Variants in NANP observed in about 807,000 individuals in gnomAD.
NANP encodes N-acetylneuraminic acid phosphatase.
A neutral mutation model predicts 16.9 loss-of-function variants in NANP; 15 were observed. The ratio of observed to expected loss-of-function variants is 0.89; its 90% CI spans 0.59 to 1.37. The LOEUF is 1.37. Ranked by LOEUF, NANP falls within the 40% of genes most tolerant of loss-of-function variation. NANP has a pLI of 0.00. For synonymous variants in NANP, 135 were observed against 112.6 expected (o/e 1.20, Z -1.26); for missense variants, 290 against 303.5 (o/e 0.96, Z 0.33).
chr20:25,623,108 G>A (rs1203430841), intron 1 of NANP, among the ~76,000 whole-genome samples: 1 of 152,232 alleles, frequency 6.6e-6, no homozygotes. Context: ...TTCCACATCT[G>A]ATAAATCCTT....
intron 1 of NANP, among the ~76,000 whole-genome samples, chr20:25,617,150 T>A (rs755274624): frequency 1.2e-4 from 18 of 152,252 alleles, no homozygotes; most frequent in Non-Finnish European, 2.2e-4. Flanking sequence ...TCTTTTCTCA[T>A]CTACATCCAT....
chr20:25,621,429 A>T (rs888462847), intron 1 of NANP, among the ~76,000 whole-genome samples: 19 of 152,192 alleles, frequency 1.2e-4, no homozygotes, highest in Admixed American at 1.1e-3. Flanking sequence ...CTAAAGAGGG[A>T]GAAAAAAAAT....
At chr20:25,622,056 A>G (rs1327339788) in intron 1 of NANP, among the ~76,000 whole-genome samples, 2 of 152,268 alleles carry the variant, frequency 1.3e-5, no homozygotes, top group African/African-American at 4.8e-5. Flanking sequence ...TAATTGAAAT[A>G]TCCTTTGACA....
chr20:25,618,853 G>A (rs924612709), intron 1 of NANP, among the ~76,000 whole-genome samples: 6 of 151,924 alleles, frequency 3.9e-5, no homozygotes, highest in African/African-American at 1.5e-4. Flanking sequence ...TTGTCTCCCC[G>A]ACCCCTTAAC....
intron 1 of NANP, 81 bp from the exon 2 acceptor site, chr20:25,616,662 G>A (rs1252607807): frequency 3.5e-6 from 4 of 1,138,658 alleles, no homozygotes; most frequent in Admixed American, 2.6e-5. Context: ...CCTACAAGTG[G>A]CTGAGAGAGT....
chr20:25,619,851 A>T (rs2065358183), intron 1 of NANP, among the ~76,000 whole-genome samples: 1 of 152,150 alleles, frequency 6.6e-6, no homozygotes, highest in Non-Finnish European at 1.5e-5. Flanking sequence ...CCCAGTACAG[A>T]CCCAATTTCC....
At chr20:25,616,652 C>G (rs1409399744) in intron 1 of NANP, 71 bp from the exon 2 acceptor site, 7 of 1,261,336 alleles carry the variant, frequency 5.5e-6, no homozygotes, top group Non-Finnish European at 7.6e-6. Context: ...AAGCTGTGAT[C>G]CTACAAGTGG....
chr20:25,613,861 T>G lies in NANP; in HGVS notation c.*2064A>C. 2.5e-6 allele frequency: 1 copy of G among 398,604 alleles called. No homozygotes were observed. Among genetic ancestry groups the G allele is most frequent in the Admixed American group, 4.4e-5 (1 of 22,718 alleles). 24.7% of individuals were successfully genotyped at this position (398,604 alleles called of 1,614,324 possible). On this transcript the variant is annotated 3_prime_UTR_variant, in exon 2 of 2. Coordinates refer to ENST00000304788, the MANE Select transcript of NANP (RefSeq NM_152667.3). The stretch of plus-strand genomic sequence containing the variant: ...TGATGAACCTTCACTCTCAGCATAA[T>G]GAATGTGACACTGCCTACATCCATC...
rs1354343098 is a variant in NANP, at chr20:25,616,515, G to C, written c.157C>G (p.Gln53Glu). Residue 53 changes from glutamine to glutamate, a missense_variant, in exon 2 of 2, where the codon CAA (glutamine) becomes GAA (glutamate). Physicochemically the swap from Gln to Glu is conservative, Grantham distance 29. Coordinates refer to ENST00000304788, the MANE Select transcript of NANP (RefSeq NM_152667.3). Reference protein sequence around the residue: ...EEAEIICDKVQVKLSKECFHP... With the variant: ...EEAEIICDKVEVKLSKECFHP... ...AAACATTCCTTGCTGAGTTTAACTTGAACTTTATCACAGATGATTTCAGCC... is the reference window on the plus strand; with the variant it reads ...AAACATTCCTTGCTGAGTTTAACTTCAACTTTATCACAGATGATTTCAGCC... The C allele has an allele frequency of 1.9e-6, 3 of 1,612,770 alleles. No homozygotes were observed. Among genetic ancestry groups the C allele is most frequent in the Middle Eastern group, 1.6e-4 (1 of 6,062 alleles).
At chr20:25,619,010 A>G (rs1182555732) in intron 1 of NANP, among the ~76,000 whole-genome samples, 1 of 152,108 alleles carries the variant, frequency 6.6e-6, no homozygotes, top group Non-Finnish European at 1.5e-5. Flanking sequence ...TAATGGGACT[A>G]GGGAATAAAC....
intron 1 of NANP, among the ~76,000 whole-genome samples, chr20:25,619,249 G>A (rs537300821): frequency 6.7e-6 from 1 of 150,158 alleles, no homozygotes; most frequent in East Asian, 2.0e-4. Context: ...TCAGTCCCCC[G>A]AATAGCTAGA....
intron 1 of NANP, among the ~76,000 whole-genome samples, chr20:25,617,705 C>CG (rs1233665756): frequency 1.3e-5 from 2 of 151,938 alleles, no homozygotes; most frequent in Non-Finnish European, 2.9e-5. Context: ...TTAGTAGAGG[C>CG]GGGGTTTTAC....
Position 25,616,565 on chromosome 20 carries a change from T to G in NANP, c.107A>C (p.Gln36Pro). ...RGMLEVIKLL[Q>P]SKYHYKEEAE... The stretch of plus-strand genomic sequence containing the variant: ...CTCTTCTTTATAATGGTATTTTGAT[T>G]GTAAGAGTTTTATCACCTAAATAAT... Residue 36 changes from glutamine to proline, a missense_variant, in exon 2 of 2, where the codon CAA becomes CCA. By Grantham distance (76) the Gln-to-Pro change is moderately conservative. Coordinates refer to ENST00000304788, the MANE Select transcript of NANP (RefSeq NM_152667.3). The G allele has an allele frequency of 1.3e-6, 2 of 1,590,050 alleles. No homozygotes were observed. Among genetic ancestry groups the G allele is most frequent in the Non-Finnish European group, 1.7e-6 (2 of 1,170,496 alleles).
intron 1 of NANP, among the ~76,000 whole-genome samples, chr20:25,623,452 G>T (rs1015479726): frequency 2.0e-5 from 3 of 152,238 alleles, no homozygotes; most frequent in African/African-American, 7.2e-5. Flanking sequence ...AACCCCGAAA[G>T]TCGCATGGGG....
chr20:25,623,682 G>T (rs1282498154), intron 1 of NANP, among the ~76,000 whole-genome samples, 177 bp downstream of exon 1: 3 of 152,188 alleles, frequency 2.0e-5, no homozygotes, highest in Non-Finnish European at 4.4e-5. Flanking sequence ...AGGGAAAGCA[G>T]ACCCGCAGGG....
In NANP at chr20:25,623,757, C is replaced by A. The variant is rs1288412091; in HGVS notation, c.90+102G>T. On this transcript the variant is annotated intron_variant, in intron 1 of 1. Coordinates refer to ENST00000304788, the MANE Select transcript of NANP (RefSeq NM_152667.3). ...CAGGTTTCAACCAGCAAGAGCGGCCCGCGGCGCCGGGGTGGAAGTGGGGTC... is the reference window on the plus strand; with the variant it reads ...CAGGTTTCAACCAGCAAGAGCGGCCAGCGGCGCCGGGGTGGAAGTGGGGTC... The A allele has an allele frequency of 7.6e-6, 9 of 1,179,614 alleles. No homozygotes were observed. The African/African-American group carries it at 1.2e-4, about 16-fold the overall frequency. The allele number at this position is 1,179,614 out of a possible 1,614,324, so 73.1% of individuals were successfully genotyped here.
At position 25,615,790 on chromosome 20, in the gene NANP, T is replaced by C. The variant is rs545057094; in HGVS notation, c.*135A>G. ...AGAAGCAATAGGGTTGGGAAGACCT[T>C]CAAAATATTGGCCATTAAATCATAA... On this transcript the variant is annotated 3_prime_UTR_variant, in exon 2 of 2. Transcript: ENST00000304788. 6.8e-6 allele frequency: 6 copies of C among 882,166 alleles called. No homozygotes were observed. Among genetic ancestry groups the C allele is most frequent in the Non-Finnish European group, 8.4e-6 (5 of 592,312 alleles). 54.6% of individuals were successfully genotyped at this position (882,166 alleles called of 1,614,324 possible). A position where few individuals can be genotyped will look rare whatever the true frequency, so the allele number is the denominator to read the frequency against.
chr20:25,620,054 C>T (rs2065358646), intron 1 of NANP, among the ~76,000 whole-genome samples: 1 of 152,192 alleles, frequency 6.6e-6, no homozygotes, highest in Admixed American at 6.5e-5. Flanking sequence ...TGGTATGCGA[C>T]AATAAGTAGC....
intron 1 of NANP, among the ~76,000 whole-genome samples, chr20:25,622,905 G>A (rs533989225): frequency 6.6e-6 from 1 of 152,304 alleles, no homozygotes; most frequent in East Asian, 1.9e-4. Flanking sequence ...AGGAAGAATA[G>A]CCCAAAGGGA....
Sources: allele counts gnomAD v4.1 joint callset (sites outside exome capture counted in the v4.1 genomes callset), GRCh38; gene constraint gnomAD v4.1.1; transcripts MANE v1.5; gene names NCBI Gene and HGNC (gene_info 2026-07-23, HGNC 2026-07-21).